Variants in CPD observed in about 807,000 individuals in gnomAD.
CPD encodes metallocarboxypeptidase D.
CPD carries 69 observed loss-of-function variants against 138.3 expected under a neutral mutation model. The ratio of observed to expected loss-of-function variants is 0.50; its 90% CI spans 0.41 to 0.61. The LOEUF is 0.61. Ranked by LOEUF, CPD falls within the 20% of genes least tolerant of loss-of-function variation. The probability of loss-of-function intolerance (pLI) is 0.00; values close to 1 mark genes in which losing one functional copy is unlikely to be tolerated. For missense variants in CPD, 1,432 were observed against 1,733.3 expected, an observed-to-expected ratio of 0.83 and a Z score of 3.09; for synonymous variants, 651 against 642.1, an observed-to-expected ratio of 1.01 and a Z score of -0.21.
rs1381640506 is a variant in CPD, at chr17:30,449,642, G to A, written c.2963G>A (p.Arg988His). Residue 988 changes from arginine to histidine, a missense_variant, in exon 13 of 21, where the codon CGT becomes CAT. By Grantham distance (29) the Arg-to-His change is conservative (BLOSUM62 0). Around this residue, in one of 6 missense-constraint regions of CPD, gnomAD observed 366 missense variants for 518.8 expected, o/e 0.71. Transcript: ENST00000225719. ...NVSEPEEPKI[R>H]FVAGIHGNAP... ...TCTGAGCCTGAAGAACCAAAGATTC[G>A]TTTTGTTGCTGGTATCCATGGAAAT... The A allele has an allele frequency of 1.2e-6, 2 of 1,609,578 alleles. No individual in the cohort carries two copies. The highest frequency in any genetic ancestry group is 2.2e-5 in the East Asian group (1 of 44,446).
intron 12 of CPD, among the ~76,000 whole-genome samples, chr17:30,448,548 G>A (rs9906481): frequency 0.067 from 10,168 of 152,150 alleles, 383 homozygotes; most frequent in African/African-American, 0.088. Context: ...ATTGAATAGC[G>A]TCATGAGAAA....
intron 9 of CPD, 149 bp from the exon 10 acceptor site, chr17:30,442,159 A>C: frequency 1.7e-6 from 1 of 578,344 alleles, no homozygotes. Context: ...TTGTATCGCA[A>C]GCATCAAAGT....
intron 15 of CPD, 116 bp downstream of exon 15, chr17:30,455,586 C>A: frequency 2.7e-6 from 3 of 1,130,880 alleles, no homozygotes; most frequent in South Asian, 1.5e-5. Flanking sequence ...ACTCTATGAG[C>A]AAATTACCAA....
chr17:30,426,195 G>A lies in CPD; in HGVS notation c.1850-1196G>A, dbSNP rs182495704. 6.3e-3 allele frequency among the ~76,000 whole-genome samples: 665 copies of A among 106,364 alleles called. 2 individuals are homozygous for A. The highest frequency in any genetic ancestry group is 9.4e-3 in the Non-Finnish European group (527 of 56,336). The allele number at this position is 106,364 out of a possible 152,430, so 69.8% of individuals were successfully genotyped here. ...AGCCTGGGCGACAAGGCGAGGCTCC[G>A]TCTCAAAAAAAAAAAAAAAAAAAAG... On this transcript the variant is annotated intron_variant, in intron 6 of 20. Transcript: ENST00000225719.
intron 12 of CPD, among the ~76,000 whole-genome samples, chr17:30,448,480 A>T (rs960570869): frequency 6.6e-6 from 1 of 152,250 alleles, no homozygotes; most frequent in African/African-American, 2.4e-5. Flanking sequence ...TATGCCACAC[A>T]TGCCAGTGGT....
intron 5 of CPD, 104 bp from the exon 6 acceptor site, chr17:30,423,402 T>G (rs1912319826): frequency 2.4e-6 from 2 of 823,282 alleles, no homozygotes; most frequent in Admixed American, 3.6e-5. Context: ...AATACATGTT[T>G]AAAAAATTTT....
chr17:30,412,851 C>T (rs1165904152), intron 2 of CPD, among the ~76,000 whole-genome samples: 1 of 152,218 alleles, frequency 6.6e-6, no homozygotes, highest in African/African-American at 2.4e-5. Flanking sequence ...AGGTGACGCC[C>T]TGCCCTGCTT....
In CPD at chr17:30,455,281, GA is replaced by G. The variant is rs376791187; in HGVS notation, c.3206-57del. 1.0e-4 allele frequency: 143 copies of G among 1,366,862 alleles called. 1 individual carries two copies. The African/African-American group carries it at 1.7e-3, about 16-fold the overall frequency. The allele number at this position is 1,366,862 out of a possible 1,614,324, so 84.7% of individuals were successfully genotyped here. ...TATTCAAGTAGAGAATATTTTCTTA[GA>G]TACTCATACTAAGATTTAAAATTTG... On this transcript the variant is annotated intron_variant, in intron 14 of 20. Coordinates refer to ENST00000225719, the MANE Select transcript of CPD (RefSeq NM_001304.5).
At chr17:30,459,377 C>A (rs562619992) in intron 17 of CPD, among the ~76,000 whole-genome samples, 1 of 150,816 alleles carries the variant, frequency 6.6e-6, no homozygotes, top group African/African-American at 2.4e-5. Flanking sequence ...TATCCCTCCC[C>A]CGACCCCACA....
In CPD at chr17:30,400,410, A is replaced by G. The variant is rs375003743; in HGVS notation, c.994+15174A>G. ...TATGCTGCACTGAAAACCCTACTAG[A>G]CAATGTTATAATTTTTACTTTCAAC... On this transcript the variant is annotated intron_variant, in intron 2 of 20. Transcript: ENST00000225719. 2.1e-4 allele frequency among the ~76,000 whole-genome samples: 32 copies of G among 152,200 alleles called. No individual in the cohort carries two copies. In the South Asian group the frequency reaches 6.2e-3, roughly 30 times the overall value.
chr17:30,425,062 C>A (rs1008012127), intron 6 of CPD, among the ~76,000 whole-genome samples: 6 of 152,162 alleles, frequency 3.9e-5, no homozygotes, highest in South Asian at 2.1e-4. Context: ...TCTACATACT[C>A]CCCAGACCTT....
chr17:30,379,198 CCGCGGG>C lies in CPD; in HGVS notation c.220_225del (p.Ala74_Gly75del). 1 of 1,530,334 alleles carries C rather than the reference CCGCGGG, an allele frequency of 6.5e-7. No individual in the cohort carries two copies. The highest frequency in any genetic ancestry group is 1.2e-5 in the South Asian group (1 of 83,752). 94.8% of individuals were successfully genotyped at this position (1,530,334 alleles called of 1,614,324 possible). On this transcript the variant is annotated inframe_deletion, in exon 1 of 21. Coordinates refer to ENST00000225719, the MANE Select transcript of CPD (RefSeq NM_001304.5). The surrounding 1 kb of genome is among the most constrained non-coding windows in gnomAD (Gnocchi z 7.0). ...GAGTCGGCGCTGAGGGAGGCGGCGG[CCGCGGG>C]CCTCCCCGGCCTGGCCCGCCTCTTT...
At chr17:30,444,010 A>C in intron 11 of CPD, 39 bp downstream of exon 11, 1 of 1,600,800 alleles carries the variant, frequency 6.2e-7, no homozygotes, top group Non-Finnish European at 8.5e-7. Context: ...TGCTCGGAGG[A>C]CAAACATGGC....
At chr17:30,412,948 C>T (rs2143389504) in intron 2 of CPD, among the ~76,000 whole-genome samples, 1 of 152,282 alleles carries the variant, frequency 6.6e-6, no homozygotes, top group South Asian at 2.1e-4. Context: ...CAGAAATCTA[C>T]CCCTCTTCTG....
rs1433061904 is a variant in CPD, at chr17:30,465,686, G to C, written c.*872G>C. The C allele has an allele frequency of 6.6e-6, 1 of 152,562 alleles. No homozygotes were observed. The highest frequency in any genetic ancestry group is 1.5e-5 in the Non-Finnish European group (1 of 68,008). The allele number at this position is 152,562 out of a possible 1,614,324, so 9.5% of individuals were successfully genotyped here. A position where few individuals can be genotyped will look rare whatever the true frequency, so the allele number is the denominator to read the frequency against. On this transcript the variant is annotated 3_prime_UTR_variant, in exon 21 of 21. Coordinates refer to ENST00000225719, the MANE Select transcript of CPD (RefSeq NM_001304.5). ...TGATTCTTTAATATTGCCTAAATCG[G>C]AACCTTTTTCTATGTTGCACACATG... is the stretch of plus-strand genomic sequence containing the variant.
chr17:30,418,915 T>C (rs765830671), intron 2 of CPD, among the ~76,000 whole-genome samples: 1 of 152,214 alleles, frequency 6.6e-6, no homozygotes, highest in Admixed American at 6.5e-5. Context: ...GAGTCCTGGA[T>C]TTTTAAAGGT....
At chr17:30,414,346 TGGGTGGATCAC>T (rs1178770355) in intron 2 of CPD, among the ~76,000 whole-genome samples, 1 of 151,874 alleles carries the variant, frequency 6.6e-6, no homozygotes, top group Non-Finnish European at 1.5e-5. Flanking sequence ...GAGGCCAAGG[TGGGTGGATCAC>T]GGGGTCAGGA....
rs143814240 is a variant in CPD, at chr17:30,422,798, A to C, written c.1432A>C (p.Ser478Arg). 1.2e-6 allele frequency: 2 copies of C among 1,613,896 alleles called. No homozygotes were observed. The highest frequency in any genetic ancestry group is 1.7e-6 in the Non-Finnish European group (2 of 1,179,754). ...PDTTEAVSTA[S>R]TVAIPNILSG... ...CACGACAGAGGCTGTATCAACTGCT[A>C]GCACAGTTGCTATACCTAATATTCT... The change falls in exon 5 of 21, where the codon AGC (serine) becomes CGC (arginine). Residue 478 changes from serine to arginine, a missense_variant. Physicochemically the swap from Ser to Arg is moderately radical, Grantham distance 110. Transcript: ENST00000225719.
chr17:30,395,420 A>G (rs1330275386), intron 2 of CPD, among the ~76,000 whole-genome samples: 2 of 152,160 alleles, frequency 1.3e-5, no homozygotes, highest in Admixed American at 6.5e-5. Flanking sequence ...CTCTTTTAAA[A>G]TCTGAGTGCT....
Sources: allele counts gnomAD v4.1 joint callset (sites outside exome capture counted in the v4.1 genomes callset), GRCh38; gene constraint gnomAD v4.1.1; regional missense constraint gnomAD v4.1.1; non-coding constraint Gnocchi (gnomAD v3.1); transcripts MANE v1.5; gene names NCBI Gene and HGNC (gene_info 2026-07-23, HGNC 2026-07-21).